The following PCDHA13 variants were observed in gnomAD, a reference collection of about 807,000 sequenced individuals.
PCDHA13 encodes the protein protocadherin alpha-13.
A neutral mutation model predicts 64.8 loss-of-function variants in PCDHA13; 54 were observed. That is an observed-to-expected ratio of 0.83 (90% confidence interval 0.67 to 1.04). PCDHA13 has a LOEUF of 1.04. PCDHA13 is among the 50% of genes least tolerant of loss of function. The pLI, the probability that PCDHA13 is intolerant of heterozygous loss-of-function variation, is 0.00. For synonymous variants in PCDHA13, 587 were observed against 564.4 expected (o/e 1.04, Z -0.57); for missense variants, 1,248 against 1,254.3 (o/e 0.99, Z 0.08).
intron 1 of PCDHA13, among the ~76,000 whole-genome samples, chr5:140,908,772 A>G (rs2074146123): frequency 6.6e-6 from 1 of 152,144 alleles, no homozygotes; most frequent in East Asian, 1.9e-4. Flanking sequence ...CGTGTTGTAG[A>G]GTCTTCTCCT....
chr5:140,928,981 G>A, intron 1 of PCDHA13: 1 of 1,613,802 alleles, frequency 6.2e-7, no homozygotes, highest in Non-Finnish European at 8.5e-7. Context: ...TTTATTTCTG[G>A]GGTGCTTACT....
chr5:140,945,321 A>G (rs558331825), intron 1 of PCDHA13, among the ~76,000 whole-genome samples: 1 of 152,258 alleles, frequency 6.6e-6, no homozygotes, highest in Non-Finnish European at 1.5e-5. Flanking sequence ...AAATGGAAAT[A>G]TATTTTATGT....
At chr5:140,961,872 G>A (rs2095639337) in intron 1 of PCDHA13, among the ~76,000 whole-genome samples, 1 of 151,532 alleles carries the variant, frequency 6.6e-6, no homozygotes, top group Non-Finnish European at 1.5e-5. Flanking sequence ...ACAGATAATT[G>A]ACTTACTTAC....
chr5:140,990,649 T>C (rs1465284882), intron 3 of PCDHA13, among the ~76,000 whole-genome samples: 1 of 152,212 alleles, frequency 6.6e-6, no homozygotes, highest in African/African-American at 2.4e-5. Context: ...TCAGCCAGTA[T>C]GAATGATTTA....
At chr5:140,993,376 G>A (rs577656854) in intron 3 of PCDHA13, among the ~76,000 whole-genome samples, 6 of 151,752 alleles carry the variant, frequency 4.0e-5, no homozygotes, top group Non-Finnish European at 7.4e-5. Context: ...CCTCCCAGCC[G>A]GGTCCCTGAA....
intron 1 of PCDHA13, among the ~76,000 whole-genome samples, chr5:140,947,506 A>C (rs1034178009): frequency 6.6e-6 from 1 of 151,700 alleles, no homozygotes; most frequent in Non-Finnish European, 1.5e-5. Flanking sequence ...TTAAATTTTC[A>C]TATAAATTTT....
At chr5:140,963,168 T>G (rs1554226465) in intron 1 of PCDHA13, among the ~76,000 whole-genome samples, 1 of 152,160 alleles carries the variant, frequency 6.6e-6, no homozygotes, top group East Asian at 1.9e-4. Flanking sequence ...ACATGCCATC[T>G]TACAGATATG....
chr5:140,929,324 T>A (rs781810168), intron 1 of PCDHA13: 1 of 1,540,130 alleles, frequency 6.5e-7, no homozygotes, highest in African/African-American at 1.4e-5. Flanking sequence ...GTCAATGCCA[T>A]GGTAAGCAAA....
At chr5:140,951,542 A>AG (rs1554219955) in intron 1 of PCDHA13, among the ~76,000 whole-genome samples, 1 of 151,820 alleles carries the variant, frequency 6.6e-6, no homozygotes, top group African/African-American at 2.4e-5. Context: ...GGAGCAAGGG[A>AG]CGGGGGGAAG....
At chr5:140,926,590 G>A (rs2083383863) in intron 1 of PCDHA13, 1 of 296,754 alleles carries the variant, frequency 3.4e-6, no homozygotes, top group Non-Finnish European at 6.1e-6. Context: ...CTCGCGCCCG[G>A]GCGGGCGGCC....
rs189901944 is a variant in PCDHA13, at chr5:140,916,206, G to A, written c.2394+31544G>A. 4.6e-3 allele frequency among the ~76,000 whole-genome samples: 705 copies of A among 152,282 alleles called. 3 individuals carry two copies. The highest frequency in any genetic ancestry group is 0.016 in the African/African-American group (682 of 41,562). ...AGGAAGTGGGCACCCCTCTGCCCTG[G>A]GGAAGATCCAAATATGCTTTCCAGG... On this transcript the variant is annotated intron_variant, in intron 1 of 3. Transcript: ENST00000289272.
chr5:140,984,365 C>G (rs2097099251), intron 3 of PCDHA13, among the ~76,000 whole-genome samples: 1 of 152,128 alleles, frequency 6.6e-6, no homozygotes. Flanking sequence ...TACATCTGGC[C>G]AAGTCCCTCT....
At chr5:140,998,156 C>T (rs782675490) in intron 3 of PCDHA13, among the ~76,000 whole-genome samples, 3 of 152,178 alleles carry the variant, frequency 2.0e-5, no homozygotes, top group Non-Finnish European at 4.4e-5. Context: ...ACAGTTAAGC[C>T]ATGTGCCAAG....
intron 1 of PCDHA13, among the ~76,000 whole-genome samples, chr5:140,955,373 T>C (rs2338310): frequency 0.011 from 1,717 of 152,252 alleles, 30 homozygotes; most frequent in African/African-American, 0.038. Context: ...TGGGAGGTAA[T>C]TGAATCATGG....
chr5:140,964,585 T>C (rs1275209289), intron 1 of PCDHA13, among the ~76,000 whole-genome samples: 1 of 151,992 alleles, frequency 6.6e-6, no homozygotes, highest in Non-Finnish European at 1.5e-5. Flanking sequence ...GGAGGAAAGA[T>C]CACTTTTCAT....
intron 1 of PCDHA13, among the ~76,000 whole-genome samples, chr5:140,892,823 C>T (rs1554185387): frequency 6.6e-6 from 1 of 152,120 alleles, no homozygotes; most frequent in East Asian, 1.9e-4. Context: ...TCCTACAGTG[C>T]TACAGTGCTG....
chr5:140,938,698 T>C (rs1430283682), intron 1 of PCDHA13, among the ~76,000 whole-genome samples: 1 of 152,194 alleles, frequency 6.6e-6, no homozygotes, highest in East Asian at 1.9e-4. Context: ...TTTTTAAATA[T>C]ATGTTTATGA....
rs1554178526 is a variant in PCDHA13, at chr5:140,883,520, G to T, written c.1252G>T (p.Val418Leu). 6.2e-7 allele frequency: 1 copy of T among 1,614,104 alleles called. No homozygotes were observed. Among genetic ancestry groups the T allele is most frequent in the African/African-American group, 1.3e-5 (1 of 74,944 alleles). Reference protein sequence around the residue: ...VLDSALDRESVSAYELVVTAR... With the variant: ...VLDSALDRESLSAYELVVTAR... ...GGACAGCGCCCTGGACCGCGAGAGC[G>T]TATCAGCCTATGAACTGGTGGTGAC... is the stretch of plus-strand genomic sequence containing the variant. Residue 418 changes from valine to leucine, a missense_variant, in exon 1 of 4, where the codon GTA becomes TTA. Transcript: ENST00000289272.
chr5:140,977,610 A>G (rs1056611698), intron 1 of PCDHA13, among the ~76,000 whole-genome samples: 1 of 152,196 alleles, frequency 6.6e-6, no homozygotes, highest in Non-Finnish European at 1.5e-5. Context: ...CCATTGAGGT[A>G]AAGTATCCCA....
Sources: allele counts gnomAD v4.1 joint callset (sites outside exome capture counted in the v4.1 genomes callset), GRCh38; gene constraint gnomAD v4.1.1; transcripts MANE v1.5; gene names NCBI Gene and HGNC (gene_info 2026-07-23, HGNC 2026-07-21).